EEFSEC: variants seen among roughly 807,000 people sequenced by gnomAD.
EEFSEC encodes eukaryotic elongation factor, selenocysteine-tRNA specific.
In EEFSEC, 43 loss-of-function variants were observed where a neutral mutation model predicts 42.1. The observed-to-expected ratio is 1.02, with a 90% CI of 0.80 to 1.32. EEFSEC has a LOEUF of 1.32. Among genes scored for constraint, EEFSEC ranks in the 40% most tolerant of loss-of-function variants. EEFSEC has a pLI of 0.00. For synonymous variants in EEFSEC, 354 were observed against 339.1 expected (o/e 1.04, Z -0.48); for missense variants, 745 against 803.6 (o/e 0.93, Z 0.88).
intron 6 of EEFSEC, among the ~76,000 whole-genome samples, chr3:128,407,373 C>T (rs1406914040): frequency 6.6e-6 from 1 of 152,182 alleles, no homozygotes; most frequent in Admixed American, 6.5e-5. Flanking sequence ...CCCCATGGCC[C>T]CACTGGGGTG....
chr3:128,219,212 A>T (rs2065839837), intron 1 of EEFSEC, among the ~76,000 whole-genome samples: 2 of 152,226 alleles, frequency 1.3e-5, no homozygotes, highest in Non-Finnish European at 2.9e-5. Flanking sequence ...CATTGGAGTG[A>T]TGGCAGCAAC....
intron 5 of EEFSEC, among the ~76,000 whole-genome samples, chr3:128,353,873 C>T (rs991601875): frequency 6.6e-6 from 1 of 152,220 alleles, no homozygotes; most frequent in African/African-American, 2.4e-5. Flanking sequence ...GATATGGGGA[C>T]ACCTCACCCA....
intron 1 of EEFSEC, among the ~76,000 whole-genome samples, chr3:128,172,995 T>A (rs2065314405): frequency 6.6e-6 from 1 of 152,230 alleles, no homozygotes; most frequent in African/African-American, 2.4e-5. Context: ...TGGAATGTAT[T>A]AGTATGTGTG....
At chr3:128,297,024 A>C (rs2066713762) in intron 4 of EEFSEC, among the ~76,000 whole-genome samples, 2 of 152,170 alleles carry the variant, frequency 1.3e-5, no homozygotes, top group Admixed American at 6.5e-5. Flanking sequence ...AGAGTAAATA[A>C]AGAAGCATGA....
chr3:128,415,795 C>A, the EEFSEC span, among the ~76,000 whole-genome samples: 1 of 152,216 alleles, frequency 6.6e-6, no homozygotes, highest in Non-Finnish European at 1.5e-5. Flanking sequence ...TCCTGGCCGG[C>A]CTCTTATGGA....
chr3:128,296,631 G>A lies in EEFSEC; in HGVS notation c.786+31850G>A, dbSNP rs1203011130. Among the ~76,000 whole-genome samples, 12 of 139,028 alleles carry A rather than the reference G, an allele frequency of 8.6e-5. No individual in the cohort carries two copies. In the East Asian group the frequency reaches 1.3e-3, roughly 16 times the overall value. The allele number at this position is 139,028 out of a possible 152,430, so 91.2% of individuals were successfully genotyped here. On this transcript the variant is annotated intron_variant, in intron 4 of 6. Transcript: ENST00000254730. ...ATGTGGGCACCTCAGGAGGCAGCTC[G>A]AAGGTTACCTCCTCACTGACCTTCC... is the stretch of plus-strand genomic sequence containing the variant.
intron 4 of EEFSEC, among the ~76,000 whole-genome samples, chr3:128,333,626 A>G (rs942276863): frequency 6.6e-6 from 1 of 151,958 alleles, no homozygotes; most frequent in African/African-American, 2.4e-5. Context: ...TAGGTATCCA[A>G]CTCTTTCTCC....
Position 128,358,208 on chromosome 3 carries a change from TGGGGACA to T in EEFSEC, c.1444-6_1444del, listed in dbSNP as rs775502158. The stretch of plus-strand genomic sequence containing the variant: ...TGCCCTCTCTCTGTGGCTGGGTGTG[TGGGGACA>T]GGCGATGGATGACTACAGTGTGATC... On this transcript the variant is annotated splice_acceptor_variant and splice_polypyrimidine_tract_variant and intron_variant, in intron 5 of 6. Transcript: ENST00000254730. LOFTEE classifies it high-confidence loss of function. 5 of 1,613,312 alleles carry T rather than the reference TGGGGACA, an allele frequency of 3.1e-6. No homozygotes were observed. In the South Asian group the frequency reaches 5.5e-5, roughly 18 times the overall value.
intron 2 of EEFSEC, among the ~76,000 whole-genome samples, chr3:128,248,346 T>C (rs752797545): frequency 2.6e-5 from 4 of 152,188 alleles, no homozygotes; most frequent in Non-Finnish European, 4.4e-5. Context: ...TGCCTTCCCA[T>C]TTATGATGTT....
intron 5 of EEFSEC, among the ~76,000 whole-genome samples, chr3:128,344,079 T>C (rs2067285291): frequency 6.6e-6 from 1 of 152,238 alleles, no homozygotes; most frequent in African/African-American, 2.4e-5. Context: ...GTGCCCAGGC[T>C]AGGAGCAGCT....
At chr3:128,273,143 C>T (rs1482136792) in intron 4 of EEFSEC, among the ~76,000 whole-genome samples, 1 of 152,188 alleles carries the variant, frequency 6.6e-6, no homozygotes, top group Non-Finnish European at 1.5e-5. Context: ...TTTTACTTGG[C>T]CCATGGAGTG....
intron 2 of EEFSEC, among the ~76,000 whole-genome samples, chr3:128,249,752 CAT>C (rs748637388): frequency 7.4e-4 from 112 of 152,268 alleles, no homozygotes; most frequent in Middle Eastern, 3.4e-3. Context: ...CTTATTGTAA[CAT>C]GTGTCAGAAT....
At chr3:128,347,110 T>C (rs2067321244) in intron 5 of EEFSEC, among the ~76,000 whole-genome samples, 1 of 152,234 alleles carries the variant, frequency 6.6e-6, no homozygotes, top group African/African-American at 2.4e-5. Flanking sequence ...GGAATTGGGC[T>C]TTTTCTTGGG....
At chr3:128,355,569 G>A (rs2067442460) in intron 5 of EEFSEC, among the ~76,000 whole-genome samples, 1 of 141,028 alleles carries the variant, frequency 7.1e-6, no homozygotes, top group Admixed American at 7.6e-5. Flanking sequence ...CTTTTAATAT[G>A]TTCATGTTAT....
Position 128,153,627 on chromosome 3 carries a change from G to A in EEFSEC, c.120G>A (p.Pro40=). The part of the protein sequence containing the change: ...TASTAAFDKQ[P]QSRERGITLD... ...CCACCGCCGCCTTTGACAAGCAGCC[G>A]CAGAGCCGCGAGCGCGGCATCACGC... The change falls in exon 1 of 7, where the codon CCG becomes CCA. Residue 40 remains proline (P), a synonymous_variant. Coordinates refer to ENST00000254730, the MANE Select transcript of EEFSEC (RefSeq NM_021937.5). 1 of 1,597,296 alleles carries A rather than the reference G, an allele frequency of 6.3e-7. No individual in the cohort carries two copies.
intron 1 of EEFSEC, among the ~76,000 whole-genome samples, chr3:128,176,833 CT>C: frequency 6.6e-6 from 1 of 152,054 alleles, no homozygotes; most frequent in South Asian, 2.1e-4. Context: ...ACATGATAAG[CT>C]TTTAATAAAC....
intron 5 of EEFSEC, among the ~76,000 whole-genome samples, chr3:128,342,143 C>A (rs1051783779): frequency 6.6e-6 from 1 of 151,260 alleles, no homozygotes; most frequent in Non-Finnish European, 1.5e-5. Flanking sequence ...ACCCAGCTAT[C>A]CCACCCCCAC....
At chr3:128,391,213 T>C (rs888518248) in intron 6 of EEFSEC, among the ~76,000 whole-genome samples, 10 of 152,242 alleles carry the variant, frequency 6.6e-5, no homozygotes, top group African/African-American at 2.4e-4. Flanking sequence ...AGCCATGGCA[T>C]TCTCCAAACC....
chr3:128,244,521 G>C (rs1159736412), intron 1 of EEFSEC, among the ~76,000 whole-genome samples: 1 of 151,646 alleles, frequency 6.6e-6, no homozygotes, highest in Non-Finnish European at 1.5e-5. Context: ...CATGAGAAGG[G>C]CATGGTCAGG....
Sources: allele counts gnomAD v4.1 joint callset (sites outside exome capture counted in the v4.1 genomes callset), GRCh38; gene constraint gnomAD v4.1.1; transcripts MANE v1.5; gene names NCBI Gene and HGNC (gene_info 2026-07-23, HGNC 2026-07-21).